The following WDR77 variants were observed in gnomAD, a reference collection of about 807,000 sequenced individuals.
WDR77 encodes the protein WD repeat domain 77.
A neutral mutation model predicts 44.0 loss-of-function variants in WDR77; 31 were observed. The observed-to-expected ratio is 0.70, with a 90% CI of 0.53 to 0.95. WDR77 has a LOEUF of 0.95. WDR77 is among the 40% of genes least tolerant of loss of function. The probability of loss-of-function intolerance (pLI) is 0.00; values close to 1 mark genes in which losing one functional copy is unlikely to be tolerated. For missense variants in WDR77, 390 were observed against 423.9 expected (o/e 0.92, Z 0.70); for synonymous variants, 186 against 165.7 (o/e 1.12, Z -0.94).
At chr1:111,443,252 G>A in intron 7 of WDR77, 71 bp downstream of exon 7, 1 of 1,436,302 alleles carries the variant, frequency 7.0e-7, no homozygotes, top group South Asian at 1.3e-5. Context: ...CTTGTGTGTT[G>A]TGGAGTCAGC....
chr1:111,442,015 T>C lies in WDR77; in HGVS notation c.869+10A>G. 1 of 1,613,422 alleles carries C rather than the reference T, an allele frequency of 6.2e-7. No homozygotes were observed. Among genetic ancestry groups the C allele is most frequent in the Non-Finnish European group, 8.5e-7 (1 of 1,179,514 alleles). On this transcript the variant is annotated intron_variant, in intron 9 of 9. Transcript: ENST00000235090. Reference sequence around the variant, plus strand: ...TCCCTGATTCCCAAAGGATTCCACTTCACACTTACAACTCAGAAAGGCTTG... The same window carrying C: ...TCCCTGATTCCCAAAGGATTCCACTCCACACTTACAACTCAGAAAGGCTTG...
At chr1:111,446,132 C>T (rs1434369797) in intron 4 of WDR77, among the ~76,000 whole-genome samples, 1 of 152,170 alleles carries the variant, frequency 6.6e-6, no homozygotes, top group African/African-American at 2.4e-5. Flanking sequence ...GGATACTGGA[C>T]CTTGGATATG....
intron 6 of WDR77, 131 bp downstream of exon 6, chr1:111,443,736 A>G: frequency 6.6e-7 from 1 of 1,510,242 alleles, no homozygotes; most frequent in South Asian, 1.3e-5. Context: ...CTGGAAAAGA[A>G]GGAGATTATG....
chr1:111,447,706 A>C (rs1653106656), intron 2 of WDR77, 130 bp from the exon 3 acceptor site: 1 of 1,080,846 alleles, frequency 9.3e-7, no homozygotes, highest in African/African-American at 1.6e-5. Context: ...AGCAAAGTCC[A>C]CATCATTGGA....
At position 111,449,185 on chromosome 1, in the gene WDR77, T is replaced by C. The variant is rs1279788377; in HGVS notation, c.-16A>G. The C allele has an allele frequency of 1.3e-6, 2 of 1,563,486 alleles. No homozygotes were observed. Among genetic ancestry groups the C allele is most frequent in the Non-Finnish European group, 1.7e-6 (2 of 1,161,296 alleles). On this transcript the variant is annotated 5_prime_UTR_variant, in exon 1 of 10. Transcript: ENST00000235090. Reference sequence around the variant, plus strand: ...CCTTCCGCATCTCCACGGTTCCAACTCCAACCTAGACTCAAACTGGACGCC... The same window carrying C: ...CCTTCCGCATCTCCACGGTTCCAACCCCAACCTAGACTCAAACTGGACGCC...
chr1:111,447,243 CT>C, intron 3 of WDR77, 99 bp from the exon 4 acceptor site: 6 of 1,521,564 alleles, frequency 3.9e-6, no homozygotes, highest in Non-Finnish European at 5.4e-6. Flanking sequence ...TTCCCCAAGT[CT>C]TTGCCTCTTG....
In WDR77 at chr1:111,443,368, T is replaced by C; in HGVS notation, c.646A>G (p.Thr216Ala). 6.4e-7 allele frequency: 1 copy of C among 1,551,964 alleles called. No homozygotes were observed. The highest frequency in any genetic ancestry group is 2.0e-5 in the Admixed American group (1 of 51,034). Residue 216 changes from threonine to alanine, a missense_variant, in exon 7 of 10, where the codon ACC (threonine) becomes GCC (alanine). Transcript: ENST00000235090. ...TGCTGAGGATGCCAAGCCAGCGAGG[T>C]AGGAAGGTAGCCAGGCGCACTGCAG... is the stretch of plus-strand genomic sequence containing the variant. Reference protein sequence around the residue: ...IGCSAPGYLPTSLAWHPQQSE... With the variant: ...IGCSAPGYLPASLAWHPQQSE...
At chr1:111,443,163 G>A (rs1449826691) in intron 7 of WDR77, among the ~76,000 whole-genome samples, 160 bp downstream of exon 7, 4 of 152,048 alleles carry the variant, frequency 2.6e-5, no homozygotes, top group Admixed American at 6.5e-5. Flanking sequence ...CTAAAACTAC[G>A]TTGGCATCAC....
In WDR77 at chr1:111,440,319, T is replaced by G. The variant is rs1652753986; in HGVS notation, c.*911A>C. 6.6e-6 allele frequency: 1 copy of G among 152,262 alleles called. No homozygotes were observed. 9.4% of individuals were successfully genotyped at this position (152,262 alleles called of 1,614,324 possible). A position where few individuals can be genotyped will look rare whatever the true frequency, so the allele number is the denominator to read the frequency against. On this transcript the variant is annotated 3_prime_UTR_variant, in exon 10 of 10. Transcript: ENST00000235090. The stretch of plus-strand genomic sequence containing the variant: ...TTTCACCAACCAGTATTTCTGATTT[T>G]CTTCTTGATACTGGATTTTAAAACC...
chr1:111,440,866 C>T lies in WDR77; in HGVS notation c.*364G>A, dbSNP rs182997535. ...CCACATCCCATAACCCACCCAGACACGGCCAATTCCTCATAGACAGCTACA... is the reference window on the plus strand; with the variant it reads ...CCACATCCCATAACCCACCCAGACATGGCCAATTCCTCATAGACAGCTACA... On this transcript the variant is annotated 3_prime_UTR_variant, in exon 10 of 10. Coordinates refer to ENST00000235090, the MANE Select transcript of WDR77 (RefSeq NM_024102.4). 1.1e-3 allele frequency: 180 copies of T among 157,894 alleles called. No individual in the cohort carries two copies. The highest frequency in any genetic ancestry group is 3.9e-3 in the African/African-American group (165 of 41,798). 9.8% of individuals were successfully genotyped at this position (157,894 alleles called of 1,614,324 possible). A position where few individuals can be genotyped will look rare whatever the true frequency, so the allele number is the denominator to read the frequency against.
Position 111,449,042 on chromosome 1 carries a change from G to C in WDR77, c.115+13C>G. On this transcript the variant is annotated intron_variant, in intron 1 of 9. Transcript: ENST00000235090. ...GGGGTAAGGGAGCTCCCAGGCCCGGGATCTCGGCTCACCGGACCGGTACCG... is the reference window on the plus strand; with the variant it reads ...GGGGTAAGGGAGCTCCCAGGCCCGGCATCTCGGCTCACCGGACCGGTACCG... The C allele has an allele frequency of 6.4e-7, 1 of 1,572,658 alleles. No homozygotes were observed. The highest frequency in any genetic ancestry group is 8.6e-7 in the Non-Finnish European group (1 of 1,160,632).
chr1:111,442,800 A>G (rs765602028), intron 7 of WDR77, 39 bp from the exon 8 acceptor site: 2 of 1,412,382 alleles, frequency 1.4e-6, no homozygotes, highest in Non-Finnish European at 1.9e-6. Flanking sequence ...GATTAAGAGC[A>G]TGGACTTTTG....
In WDR77 at chr1:111,440,085, G is replaced by A. The variant is rs1240317239; in HGVS notation, c.*1145C>T. On this transcript the variant is annotated 3_prime_UTR_variant, in exon 10 of 10. Transcript: ENST00000235090. ...TCAATATAATCAGTAATTGATCCAT[G>A]ACTCCTAACTGGCAATATCCACTCC... The A allele has an allele frequency of 1.3e-5, 2 of 152,468 alleles. No homozygotes were observed. The highest frequency in any genetic ancestry group is 2.9e-5 in the Non-Finnish European group (2 of 68,008). 9.4% of individuals were successfully genotyped at this position (152,468 alleles called of 1,614,324 possible). A position where few individuals can be genotyped will look rare whatever the true frequency, so the allele number is the denominator to read the frequency against.
chr1:111,445,925 C>T (rs1262124300), intron 4 of WDR77, among the ~76,000 whole-genome samples: 2 of 152,202 alleles, frequency 1.3e-5, no homozygotes, highest in South Asian at 2.1e-4. Context: ...TGCACCACTA[C>T]GCCTGGCTAA....
chr1:111,441,727 A>G, intron 9 of WDR77: 1 of 668,638 alleles, frequency 1.5e-6, no homozygotes, highest in Admixed American at 3.8e-5. Flanking sequence ...TTTCATACGC[A>G]GTTCTTTATG....
chr1:111,446,984 T>C (rs1653062179), intron 4 of WDR77, 111 bp downstream of exon 4: 2 of 1,128,466 alleles, frequency 1.8e-6, no homozygotes, highest in Admixed American at 2.1e-5. Flanking sequence ...ACTATTGTTT[T>C]ACAAGAAAAC....
At chr1:111,443,616 A>T in intron 6 of WDR77, 1 of 979,070 alleles carries the variant, frequency 1.0e-6, no homozygotes, top group Non-Finnish European at 1.2e-6. Context: ...AATCATGACG[A>T]TAACAATTCT....
intron 9 of WDR77, 43 bp downstream of exon 9, chr1:111,441,982 G>A: frequency 6.4e-7 from 1 of 1,574,768 alleles, no homozygotes; most frequent in Non-Finnish European, 8.7e-7. Context: ...CCCACCCACT[G>A]CTCCCCTTCC....
rs770851520 is a variant in WDR77 at position 111,447,126 on chromosome 1, A to G, written c.462T>C (p.Leu154=). The change falls in exon 4 of 10, where the codon CTT becomes CTC. Residue 154 remains leucine (L), a synonymous_variant. Coordinates refer to ENST00000235090, the MANE Select transcript of WDR77 (RefSeq NM_024102.4). ...ATGAACTCAGTACCACCTGCTGAGC[A>G]AGGTCCCAAACCTTGATGCTAAGAA... is the stretch of plus-strand genomic sequence containing the variant. The part of the protein sequence containing the change: ...SKDICIKVWD[L]AQQVVLSSYR... 3.8e-5 allele frequency: 62 copies of G among 1,614,090 alleles called. No individual in the cohort carries two copies. Among genetic ancestry groups the G allele is most frequent in the Non-Finnish European group, 4.7e-5 (56 of 1,180,044 alleles).
Sources: gnomAD v4.1 joint callset for allele counts (sites outside exome capture counted in the v4.1 genomes callset) on GRCh38, gnomAD v4.1.1 for gene constraint, MANE v1.5 for transcripts, NCBI Gene and HGNC (gene_info 2026-07-23, HGNC 2026-07-21) for gene names.